Variants in GLI3 observed in about 807,000 individuals in gnomAD.
GLI3 encodes the protein GLI family zinc finger 3, also known as transcription activator GLI3.
A neutral mutation model predicts 100.8 loss-of-function variants in GLI3; 20 were observed. The observed-to-expected ratio is 0.20, with a 90% CI of 0.14 to 0.29. GLI3 has a LOEUF of 0.29. Ranked by LOEUF, GLI3 falls within the 10% of genes least tolerant of loss-of-function variation. The pLI is 1.00. For synonymous variants in GLI3, 938 were observed against 860.5 expected (o/e 1.09, Z -1.58); for missense variants, 2,040 against 2,128.5 (o/e 0.96, Z 0.82).
chr7:42,246,788 T>A (rs1788979288), intron 1 of GLI3, among the ~76,000 whole-genome samples: 1 of 145,770 alleles, frequency 6.9e-6, no homozygotes. Flanking sequence ...AGTTAAAGGC[T>A]CATTGGATGA....
intron 10 of GLI3, among the ~76,000 whole-genome samples, chr7:41,992,498 G>A (rs1283601266): frequency 6.6e-6 from 1 of 151,996 alleles, no homozygotes; most frequent in African/African-American, 2.4e-5. Flanking sequence ...CAGGAATGTG[G>A]GCCCCTTCCC....
chr7:42,237,270 A>AGTTTCG (rs1227339056), upstream of GLI3, among the ~76,000 whole-genome samples: 1 of 150,810 alleles, frequency 6.6e-6, no homozygotes, highest in Non-Finnish European at 1.5e-5. Context: ...CTCCGGCATC[A>AGTTTCG]GTTTCGGGGA....
chr7:42,009,402 T>C (rs1245028438), intron 10 of GLI3, among the ~76,000 whole-genome samples: 1 of 152,080 alleles, frequency 6.6e-6, no homozygotes, highest in Non-Finnish European at 1.5e-5. Flanking sequence ...CCCTTGGAAC[T>C]TTCTGAATTC....
chr7:42,062,174 A>C (rs1310252183), intron 4 of GLI3, among the ~76,000 whole-genome samples: 2 of 152,144 alleles, frequency 1.3e-5, no homozygotes, highest in Non-Finnish European at 2.9e-5. Flanking sequence ...GATGATCTCC[A>C]TTCTACTCAC....
At chr7:42,213,125 C>T (rs1788303565) in intron 2 of GLI3, among the ~76,000 whole-genome samples, 1 of 152,190 alleles carries the variant, frequency 6.6e-6, no homozygotes, top group Admixed American at 6.5e-5. Context: ...TTTTTTCTCC[C>T]ATTTTCCCCA....
chr7:42,188,257 G>T (rs1787759320), intron 2 of GLI3, among the ~76,000 whole-genome samples: 1 of 152,138 alleles, frequency 6.6e-6, no homozygotes, highest in Non-Finnish European at 1.5e-5. Context: ...CACCCAGTTT[G>T]TGGTAATTTG....
At chr7:42,059,862 C>A (rs1784533749) in intron 4 of GLI3, among the ~76,000 whole-genome samples, 1 of 152,238 alleles carries the variant, frequency 6.6e-6, no homozygotes, top group South Asian at 2.1e-4. Context: ...GTCCCTTTTC[C>A]TCCAGTGGAG....
rs1328845111 is a variant in GLI3 at position 41,964,007 on chromosome 7, A to G, written c.*323T>C. ...ATTTGACTGCTCTTCTAAAAGAAAG[A>G]AGAATATGCACATCACAAATTTACA... On this transcript the variant is annotated 3_prime_UTR_variant, in exon 15 of 15. Transcript: ENST00000395925. The G allele has an allele frequency of 4.3e-6, 1 of 235,174 alleles. No homozygotes were observed. The highest frequency in any genetic ancestry group is 2.3e-5 in the African/African-American group (1 of 43,252). 14.6% of individuals were successfully genotyped at this position (235,174 alleles called of 1,614,324 possible). A position where few individuals can be genotyped will look rare whatever the true frequency, so the allele number is the denominator to read the frequency against.
At chr7:42,201,610 G>C (rs1421514950) in intron 2 of GLI3, among the ~76,000 whole-genome samples, 1 of 152,166 alleles carries the variant, frequency 6.6e-6, no homozygotes, top group Non-Finnish European at 1.5e-5. Flanking sequence ...GAACATTATG[G>C]AGTGCATTTA....
intron 10 of GLI3, among the ~76,000 whole-genome samples, chr7:41,985,469 ACTTTATGTTATAAGCCTAT>A (rs1787793652): frequency 6.6e-6 from 1 of 152,126 alleles, no homozygotes; most frequent in African/African-American, 2.4e-5. Flanking sequence ...GTGTTTCTTG[ACTTTATGTTATAAGCCTAT>A]TACTCTTTAG....
At chr7:42,248,976 A>C (rs12701953) in intron 1 of GLI3, among the ~76,000 whole-genome samples, 1 of 151,722 alleles carries the variant, frequency 6.6e-6, no homozygotes, top group Non-Finnish European at 1.5e-5. Context: ...TCCTGGGCTC[A>C]AGAGACCCAT....
In GLI3 at chr7:42,040,200, C is replaced by T; in HGVS notation, c.866G>A (p.Ser289Asn). The part of the protein sequence containing the change: ...FSSPRLSARP[S>N]RKRTLSISPL... ...TGATATGGACAGTGTACGTTTTCGG[C>T]TCGGCCTGGCTGACAGCCTGGGGCT... The change falls in exon 7 of 15, where the codon AGC becomes AAC. Residue 289 changes from serine (S) to asparagine (N), a missense_variant. By Grantham distance (46) the Ser-to-Asn change is conservative. This residue lies in a region of GLI3 where 603 missense variants were observed against 690.9 expected (regional missense o/e 0.87). Coordinates refer to ENST00000395925, the MANE Select transcript of GLI3 (RefSeq NM_000168.6). The T allele has an allele frequency of 6.2e-7, 1 of 1,614,038 alleles. No individual in the cohort carries two copies.
At chr7:42,240,262 G>A (rs1264481553), upstream of GLI3, among the ~76,000 whole-genome samples, 1 of 152,136 alleles carries the variant, frequency 6.6e-6, no homozygotes, top group African/African-American at 2.4e-5. Context: ...TTTTAATATA[G>A]TAAGTCCTCA....
intron 10 of GLI3, among the ~76,000 whole-genome samples, chr7:42,005,510 T>C (rs887300262): frequency 2.1e-4 from 30 of 142,578 alleles, no homozygotes; most frequent in African/African-American, 7.7e-4. Context: ...TTCAGAGTCA[T>C]GTCTGGATGG....
At chr7:42,187,748 T>C (rs1787746204) in intron 2 of GLI3, among the ~76,000 whole-genome samples, 1 of 151,956 alleles carries the variant, frequency 6.6e-6, no homozygotes, top group Admixed American at 6.6e-5. Context: ...CTCACACCTG[T>C]AATCCCAGCA....
intron 10 of GLI3, among the ~76,000 whole-genome samples, chr7:42,009,529 T>C (rs1232195621): frequency 2.0e-5 from 3 of 149,666 alleles, no homozygotes; most frequent in African/African-American, 7.4e-5. Context: ...CTGATATTGG[T>C]TCATCGTGCC....
chr7:42,237,332 T>G (rs1019585889), upstream of GLI3, among the ~76,000 whole-genome samples: 7 of 151,842 alleles, frequency 4.6e-5, no homozygotes, highest in South Asian at 2.1e-4. Context: ...CAGTTCTGAT[T>G]TGGTTCAACC....
chr7:42,020,410 G>C (rs373273496), intron 10 of GLI3, among the ~76,000 whole-genome samples: 1 of 152,158 alleles, frequency 6.6e-6, no homozygotes, highest in East Asian at 1.9e-4. Flanking sequence ...CTATTCCCCG[G>C]AAGGATATCA....
chr7:41,979,554 T>C (rs1172261143), intron 10 of GLI3, among the ~76,000 whole-genome samples: 1 of 152,214 alleles, frequency 6.6e-6, no homozygotes, highest in Non-Finnish European at 1.5e-5. Flanking sequence ...ATTAATACAA[T>C]TAGGAATCAT....
Sources: gnomAD v4.1 joint callset for allele counts (sites outside exome capture counted in the v4.1 genomes callset) on GRCh38, gnomAD v4.1.1 for gene constraint, gnomAD v4.1.1 regional missense constraint, MANE v1.5 for transcripts, NCBI Gene and HGNC (gene_info 2026-07-23, HGNC 2026-07-21) for gene names.